HNF4G: variants seen among roughly 807,000 people sequenced by gnomAD.
HNF4G encodes the protein hepatocyte nuclear factor 4-gamma.
A neutral mutation model predicts 50.9 loss-of-function variants in HNF4G; 21 were observed. The observed-to-expected ratio is 0.41, with a 90% CI of 0.29 to 0.59. HNF4G has a LOEUF of 0.59. HNF4G is among the 20% of genes least tolerant of loss of function. The probability of loss-of-function intolerance (pLI) is 0.26; values close to 1 mark genes in which losing one functional copy is unlikely to be tolerated. For missense variants in HNF4G, 527 were observed against 559.4 expected (o/e 0.94, Z 0.58); for synonymous variants, 198 against 185.6 (o/e 1.07, Z -0.54).
chr8:75,557,438 G>A (rs1295789173), intron 6 of HNF4G, among the ~76,000 whole-genome samples: 1 of 152,116 alleles, frequency 6.6e-6, no homozygotes, highest in Non-Finnish European at 1.5e-5. Context: ...TGGCCAACAT[G>A]GTGAAACCTC....
chr8:75,505,248 G>A (rs1813045343), intron 2 of HNF4G, among the ~76,000 whole-genome samples: 1 of 152,106 alleles, frequency 6.6e-6, no homozygotes, highest in African/African-American at 2.4e-5. Flanking sequence ...CCTTTGACAA[G>A]TCACTTAACT....
chr8:75,443,747 C>T (rs1459288511), intron 1 of HNF4G, among the ~76,000 whole-genome samples: 1 of 152,038 alleles, frequency 6.6e-6, no homozygotes, highest in African/African-American at 2.4e-5. Context: ...GTACATTCTT[C>T]TATGTCAATC....
Position 75,465,674 on chromosome 8 carries a change from A to G in HNF4G, c.-143-24415A>G, listed in dbSNP as rs1811952442. ...ATGAAATAAAAAACAGGAGAAAAAGAAAACTAATTTAGGAAGTACAACTAG... is the reference window on the plus strand; with the variant it reads ...ATGAAATAAAAAACAGGAGAAAAAGGAAACTAATTTAGGAAGTACAACTAG... On this transcript the variant is annotated intron_variant, in intron 1 of 10. Coordinates refer to the HNF4G transcript ENST00000354370. 2.6e-5 allele frequency among the ~76,000 whole-genome samples: 4 copies of G among 152,112 alleles called. No homozygotes were observed. The South Asian group carries it at 8.3e-4, about 32-fold the overall frequency.
rs780106495 is a variant in HNF4G at position 75,543,839 on chromosome 8, T to C, written c.147T>C (p.Asn49=). 1 of 1,613,158 alleles carries C rather than the reference T, an allele frequency of 6.2e-7. No individual in the cohort carries two copies. The highest frequency in any genetic ancestry group is 1.1e-5 in the South Asian group (1 of 90,954). The change falls in exon 2 of 10, where the codon AAT becomes AAC. Residue 49 remains asparagine (N), a synonymous_variant. Coordinates refer to ENST00000396423, the MANE Select transcript of HNF4G (RefSeq NM_004133.5). Reference sequence around the variant, plus strand: ...GTTCTGCCCCAGAGACAAGTATGAATACCACAGACAACGGTGTCAACTGTC... The same window carrying C: ...GTTCTGCCCCAGAGACAAGTATGAACACCACAGACAACGGTGTCAACTGTC... ...SDSSAPETSM[N]TTDNGVNCLC...
At chr8:75,485,860 A>G (rs1032850718) in intron 1 of HNF4G, 2 of 152,286 alleles carry the variant, frequency 1.3e-5, no homozygotes, top group African/African-American at 4.8e-5. Flanking sequence ...CTGGGCTCAG[A>G]TTGCCCTAGT....
intron 2 of HNF4G, among the ~76,000 whole-genome samples, chr8:75,503,825 G>A (rs1812994169): frequency 6.6e-6 from 1 of 152,162 alleles, no homozygotes; most frequent in Non-Finnish European, 1.5e-5. Context: ...GTCACAAGCT[G>A]TAATCTTTTG....
At chr8:75,563,809 A>T (rs564160000) in intron 9 of HNF4G, among the ~76,000 whole-genome samples, 166 bp from the exon 10 acceptor site, 95 of 152,280 alleles carry the variant, frequency 6.2e-4, no homozygotes, top group African/African-American at 2.1e-3. Context: ...GTACTCTCTA[A>T]CAGTACGTCA....
upstream of HNF4G, among the ~76,000 whole-genome samples, chr8:75,537,516 G>T (rs987484180): frequency 9.2e-5 from 14 of 152,046 alleles, no homozygotes; most frequent in Non-Finnish European, 1.6e-4. Context: ...AAAGTGCTGG[G>T]ATTACAGGCG....
intron 6 of HNF4G, 65 bp downstream of exon 6, chr8:75,556,134 G>T: frequency 2.4e-6 from 2 of 835,636 alleles, no homozygotes; most frequent in Non-Finnish European, 3.8e-6. Context: ...TATTATACAG[G>T]GTCTGTTCTG....
chr8:75,466,393 T>C (rs1563517448), intron 1 of HNF4G, among the ~76,000 whole-genome samples: 2 of 152,132 alleles, frequency 1.3e-5, no homozygotes, highest in African/African-American at 4.8e-5. Context: ...TTTATTAGAC[T>C]GTGCTGCTGA....
At chr8:75,425,011 T>G (rs1810858141) in intron 1 of HNF4G, among the ~76,000 whole-genome samples, 1 of 152,074 alleles carries the variant, frequency 6.6e-6, no homozygotes, top group Non-Finnish European at 1.5e-5. Flanking sequence ...TTCCCACCAA[T>G]AGTGTATAAG....
chr8:75,495,739 T>C (rs1490578314), intron 2 of HNF4G, among the ~76,000 whole-genome samples: 3 of 151,962 alleles, frequency 2.0e-5, no homozygotes, highest in Admixed American at 2.0e-4. Context: ...AATTTCACCA[T>C]GTTGGCCAGT....
intron 2 of HNF4G, among the ~76,000 whole-genome samples, chr8:75,510,986 A>G (rs905671080): frequency 6.6e-6 from 1 of 152,072 alleles, no homozygotes; most frequent in African/African-American, 2.4e-5. Flanking sequence ...TTGATGCACA[A>G]AAGTTTTCTT....
chr8:75,441,013 C>T (rs1585845141), intron 1 of HNF4G, among the ~76,000 whole-genome samples: 3 of 152,006 alleles, frequency 2.0e-5, no homozygotes, highest in Admixed American at 1.3e-4. Flanking sequence ...CACCACAATG[C>T]CCACCTAAAT....
At chr8:75,461,167 C>G (rs1442175347) in intron 1 of HNF4G, among the ~76,000 whole-genome samples, 2 of 152,138 alleles carry the variant, frequency 1.3e-5, no homozygotes. Flanking sequence ...CAACACAAAT[C>G]TATTATTTTA....
chr8:75,565,904 G>T lies in HNF4G; in HGVS notation c.*1808G>T, dbSNP rs1158101296. Reference sequence around the variant, plus strand: ...TGAAACTGTAAAATATATCATATGGGGGGAGTTTTTTAACTCTTATTTTTT... The same window carrying T: ...TGAAACTGTAAAATATATCATATGGTGGGAGTTTTTTAACTCTTATTTTTT... On this transcript the variant is annotated 3_prime_UTR_variant, in exon 10 of 10. Transcript: ENST00000396423. 3 of 152,030 alleles carry T rather than the reference G, an allele frequency of 2.0e-5. No individual in the cohort carries two copies. In the East Asian group the frequency reaches 5.8e-4, roughly 29 times the overall value. The allele number at this position is 152,030 out of a possible 1,614,324, so 9.4% of individuals were successfully genotyped here. A position where few individuals can be genotyped will look rare whatever the true frequency, so the allele number is the denominator to read the frequency against.
intron 1 of HNF4G, among the ~76,000 whole-genome samples, chr8:75,448,167 G>C (rs2130568277): frequency 7.5e-6 from 1 of 134,062 alleles, no homozygotes; most frequent in East Asian, 2.2e-4. Context: ...ATCATTCTCA[G>C]TAAACTATCG....
intron 2 of HNF4G, among the ~76,000 whole-genome samples, chr8:75,511,992 A>T (rs1805767362): frequency 6.6e-6 from 1 of 152,070 alleles, no homozygotes; most frequent in African/African-American, 2.4e-5. Context: ...ATTATTTTTT[A>T]TTAGTTTATT....
At chr8:75,540,851 A>ATGTGTGTGTGTGTGTGTGTGTGTG (rs56799230) in intron 1 of HNF4G, among the ~76,000 whole-genome samples, 1 of 146,374 alleles carries the variant, frequency 6.8e-6, no homozygotes, top group Non-Finnish European at 1.5e-5. Flanking sequence ...GAAAATGTGT[A>ATGTGTGTGTGTGTGTGTGTGTGTG]TGTGTGTGTG....
Sources: allele counts gnomAD v4.1 joint callset (sites outside exome capture counted in the v4.1 genomes callset), GRCh38; gene constraint gnomAD v4.1.1; transcripts MANE v1.5; gene names NCBI Gene and HGNC (gene_info 2026-07-23, HGNC 2026-07-21).